The following MARCHF4 variants were observed in gnomAD, a reference collection of about 807,000 sequenced individuals.
MARCHF4 encodes the protein E3 ubiquitin-protein ligase MARCHF4.
A neutral mutation model predicts 43.9 loss-of-function variants in MARCHF4; 14 were observed. The observed-to-expected ratio is 0.32, with a 90% CI of 0.21 to 0.50. MARCHF4 has a LOEUF of 0.50. MARCHF4 is among the 20% of genes least tolerant of loss of function. MARCHF4 has a pLI of 0.98. For synonymous variants in MARCHF4, 226 were observed against 213.3 expected (o/e 1.06, Z -0.52); for missense variants, 468 against 536.7 (o/e 0.87, Z 1.27).
intron 1 of MARCHF4, among the ~76,000 whole-genome samples, chr2:216,354,581 A>G (rs1692452809): frequency 6.6e-6 from 1 of 152,184 alleles, no homozygotes. Flanking sequence ...CTGGGGCCTG[A>G]CACCCAGTGG....
At chr2:216,309,456 C>G (rs962476933) in intron 1 of MARCHF4, among the ~76,000 whole-genome samples, 2 of 152,162 alleles carry the variant, frequency 1.3e-5, no homozygotes, top group African/African-American at 4.8e-5. Context: ...CTCACGTGGT[C>G]CACGTGAAGC....
intron 1 of MARCHF4, among the ~76,000 whole-genome samples, chr2:216,286,403 G>T (rs997802560): frequency 6.6e-6 from 1 of 152,028 alleles, no homozygotes; most frequent in African/African-American, 2.4e-5. Flanking sequence ...GCTGGCCATG[G>T]TGGCATGCTC....
intron 1 of MARCHF4, among the ~76,000 whole-genome samples, chr2:216,332,942 C>T (rs1385537069): frequency 2.0e-5 from 3 of 152,206 alleles, no homozygotes; most frequent in Non-Finnish European, 4.4e-5. Flanking sequence ...TAAATAGTTG[C>T]TGTGTAAATT....
chr2:216,266,777 T>C (rs974399850), intron 3 of MARCHF4, among the ~76,000 whole-genome samples: 2 of 152,162 alleles, frequency 1.3e-5, no homozygotes, highest in Non-Finnish European at 2.9e-5. Context: ...GAAATGAATA[T>C]AACCGGCTAT....
chr2:216,283,221 C>T (rs770617843), intron 2 of MARCHF4, among the ~76,000 whole-genome samples: 23 of 151,944 alleles, frequency 1.5e-4, no homozygotes, highest in Non-Finnish European at 3.1e-4. Context: ...CTGCCTCCTT[C>T]GTTTCTTCCT....
chr2:216,296,647 T>A (rs1327168392), intron 1 of MARCHF4, among the ~76,000 whole-genome samples: 1 of 152,294 alleles, frequency 6.6e-6, no homozygotes, highest in East Asian at 1.9e-4. Context: ...GAAAGGGGAA[T>A]GGGAGAAAGA....
intron 1 of MARCHF4, among the ~76,000 whole-genome samples, chr2:216,348,492 T>C (rs1002726992): frequency 5.9e-5 from 9 of 152,152 alleles, no homozygotes; most frequent in African/African-American, 2.2e-4. Flanking sequence ...TTGTCCTCAC[T>C]GCTACCCTCC....
At chr2:216,284,694 G>A (rs1420778966) in intron 1 of MARCHF4, among the ~76,000 whole-genome samples, 2 of 151,962 alleles carry the variant, frequency 1.3e-5, no homozygotes, top group Admixed American at 6.6e-5. Flanking sequence ...TTGAAATTAC[G>A]GATTTCCATC....
At chr2:216,367,834 A>G (rs1210396845) in intron 1 of MARCHF4, among the ~76,000 whole-genome samples, 1 of 152,240 alleles carries the variant, frequency 6.6e-6, no homozygotes, top group Non-Finnish European at 1.5e-5. Flanking sequence ...TTTTCAATAA[A>G]ATACAGCTTT....
At chr2:216,292,975 T>G (rs1250541849) in intron 1 of MARCHF4, among the ~76,000 whole-genome samples, 1 of 152,210 alleles carries the variant, frequency 6.6e-6, no homozygotes, top group Non-Finnish European at 1.5e-5. Context: ...AGGGTTTGAC[T>G]CCTGCTGCCC....
chr2:216,312,165 G>A (rs1163254147), intron 1 of MARCHF4, among the ~76,000 whole-genome samples: 1 of 151,958 alleles, frequency 6.6e-6, no homozygotes. Flanking sequence ...CCACCTTTAT[G>A]TCCACTTGTG....
At chr2:216,264,463 G>T (rs1310020022) in intron 3 of MARCHF4, among the ~76,000 whole-genome samples, 1 of 152,192 alleles carries the variant, frequency 6.6e-6, no homozygotes, top group Non-Finnish European at 1.5e-5. Context: ...GTGTACCTAT[G>T]CACCCTTGGC....
At chr2:216,344,186 GAC>G (rs1353500491) in intron 1 of MARCHF4, among the ~76,000 whole-genome samples, 52 of 152,220 alleles carry the variant, frequency 3.4e-4, no homozygotes, top group Middle Eastern at 3.4e-3. Context: ...AGTACAGAAA[GAC>G]AAACTAAAAC....
chr2:216,322,026 C>T (rs1691904111), intron 1 of MARCHF4, among the ~76,000 whole-genome samples: 1 of 152,148 alleles, frequency 6.6e-6, no homozygotes, highest in Non-Finnish European at 1.5e-5. Context: ...GTTGCTGTGA[C>T]TGAAATGGCT....
At position 216,284,502 on chromosome 2, in the gene MARCHF4, G is replaced by A. The variant is rs187863916; in HGVS notation, c.517-773C>T. ...TGTTTTTGGAACAGGATCTCACTCT[G>A]CTGCCCAGTCTGGAGTGCAGTGGCA... On this transcript the variant is annotated intron_variant, in intron 1 of 3. Transcript: ENST00000273067. Among the ~76,000 whole-genome samples the A allele has an allele frequency of 1.9e-4, 29 of 152,338 alleles. No homozygotes were observed. In the East Asian group the frequency reaches 4.2e-3, roughly 22 times the overall value.
intron 1 of MARCHF4, among the ~76,000 whole-genome samples, chr2:216,292,686 G>A (rs1310735179): frequency 6.6e-6 from 1 of 152,206 alleles, no homozygotes; most frequent in East Asian, 1.9e-4. Context: ...CAAACTGTGT[G>A]TGATATTGAC....
At chr2:216,262,498 G>A (rs1371162010) in intron 3 of MARCHF4, among the ~76,000 whole-genome samples, 1 of 152,190 alleles carries the variant, frequency 6.6e-6, no homozygotes, top group Non-Finnish European at 1.5e-5. Context: ...AATGAAAAGT[G>A]GAAAGTGAGA....
chr2:216,270,694 A>G (rs1417148420), intron 3 of MARCHF4, among the ~76,000 whole-genome samples: 1 of 152,028 alleles, frequency 6.6e-6, no homozygotes, highest in Non-Finnish European at 1.5e-5. Context: ...TGCCTTTGCC[A>G]AGGACATACC....
intron 1 of MARCHF4, among the ~76,000 whole-genome samples, chr2:216,335,822 C>G (rs1318012540): frequency 6.6e-6 from 1 of 152,008 alleles, no homozygotes; most frequent in Non-Finnish European, 1.5e-5. Context: ...AATCCCAGAA[C>G]TTTGGGAAGC....
Sources: allele counts gnomAD v4.1 joint callset (sites outside exome capture counted in the v4.1 genomes callset), GRCh38; gene constraint gnomAD v4.1.1; transcripts MANE v1.5; gene names NCBI Gene and HGNC (gene_info 2026-07-23, HGNC 2026-07-21).